Variants in COL4A4 observed in about 807,000 individuals in gnomAD.
COL4A4 encodes collagen alpha-4(IV) chain.
A neutral mutation model predicts 192.9 loss-of-function variants in COL4A4; 105 were observed. That is an observed-to-expected ratio of 0.54 (90% CI 0.46 to 0.64). The LOEUF is 0.64. COL4A4 is among the 30% of genes least tolerant of loss of function. The pLI, the probability that COL4A4 is intolerant of heterozygous loss-of-function variation, is 0.00. For synonymous variants in COL4A4, 762 were observed against 769.9 expected (o/e 0.99, Z 0.17); for missense variants, 1,967 against 2,169.3 (o/e 0.91, Z 1.85).
At chr2:227,143,034 A>G (rs1226259123) in intron 3 of COL4A4, among the ~76,000 whole-genome samples, 1 of 152,218 alleles carries the variant, frequency 6.6e-6, no homozygotes, top group African/African-American at 2.4e-5. Context: ...ACACAGAGGC[A>G]GATGAGCACA....
At chr2:226,977,329 G>T in the COL4A4 span, among the ~76,000 whole-genome samples, 1 of 152,092 alleles carries the variant, frequency 6.6e-6, no homozygotes, top group Non-Finnish European at 1.5e-5. Context: ...AAGTGTATTT[G>T]CTTTGCTTTT....
chr2:227,150,883 A>G (rs1398939934), intron 1 of COL4A4, among the ~76,000 whole-genome samples: 1 of 148,486 alleles, frequency 6.7e-6, no homozygotes, highest in Admixed American at 7.0e-5. Flanking sequence ...GGGGACACAG[A>G]GCCAAACCAT....
intron 44 of COL4A4, among the ~76,000 whole-genome samples, chr2:227,018,598 C>G (rs1328002647): frequency 1.3e-5 from 2 of 152,110 alleles, no homozygotes; most frequent in Non-Finnish European, 2.9e-5. Context: ...AAAAGGAGCC[C>G]CAGGGAAGCT....
chr2:227,161,269 C>T (rs114823685), intron 1 of COL4A4, among the ~76,000 whole-genome samples: 2,453 of 152,314 alleles, frequency 0.016, 33 homozygotes, highest in Non-Finnish European at 0.025. Flanking sequence ...GTGAAGCAGA[C>T]ACAACTATTT....
chr2:226,986,433 T>G, the COL4A4 span, among the ~76,000 whole-genome samples: 15 of 152,136 alleles, frequency 9.9e-5, no homozygotes, highest in Admixed American at 2.6e-4. Flanking sequence ...CTTTGCAACT[T>G]TTACGTAAAT....
chr2:227,067,197 G>C (rs1012313868), intron 25 of COL4A4, among the ~76,000 whole-genome samples: 3 of 151,916 alleles, frequency 2.0e-5, no homozygotes, highest in African/African-American at 7.3e-5. Context: ...CCCAATACAG[G>C]AGCACCCAGA....
chr2:227,058,745 G>A (rs1424126470), intron 28 of COL4A4, among the ~76,000 whole-genome samples: 1 of 152,132 alleles, frequency 6.6e-6, no homozygotes, highest in South Asian at 2.1e-4. Flanking sequence ...TCCTCAGACT[G>A]GGGTCCTGAA....
At chr2:227,101,675 G>A (rs2060530805) in intron 16 of COL4A4, 118 bp from the exon 17 acceptor site, 2 of 1,117,532 alleles carry the variant, frequency 1.8e-6, no homozygotes, top group Non-Finnish European at 2.7e-6. Context: ...TCTTAACACT[G>A]TTCATCAGTT....
intron 18 of COL4A4, 65 bp from the exon 19 acceptor site, chr2:227,098,863 A>C: frequency 3.7e-6 from 5 of 1,344,130 alleles, no homozygotes; most frequent in Non-Finnish European, 5.3e-6. Context: ...TAAGACAACA[A>C]TTACTTTTTG....
intron 24 of COL4A4, among the ~76,000 whole-genome samples, chr2:227,078,642 G>T (rs2059162431): frequency 6.6e-6 from 1 of 152,184 alleles, no homozygotes; most frequent in Non-Finnish European, 1.5e-5. Context: ...CAGAATAAGA[G>T]ATTTATGTCA....
At chr2:227,074,074 C>T (rs2058880173) in intron 25 of COL4A4, among the ~76,000 whole-genome samples, 1 of 151,866 alleles carries the variant, frequency 6.6e-6, no homozygotes, top group Non-Finnish European at 1.5e-5. Context: ...TAAAAGGCCT[C>T]TGCACAACAA....
At chr2:227,119,662 C>A (rs1286685159) in intron 6 of COL4A4, among the ~76,000 whole-genome samples, 1 of 148,316 alleles carries the variant, frequency 6.7e-6, no homozygotes, top group African/African-American at 2.5e-5. Context: ...CTAATGTATT[C>A]TATATCTTGT....
Position 227,147,224 on chromosome 2 carries a change from T to C in COL4A4, c.71+189A>G, listed in dbSNP as rs561613549. On this transcript the variant is annotated intron_variant, in intron 2 of 47. Coordinates refer to ENST00000396625, the MANE Select transcript of COL4A4 (RefSeq NM_000092.5). ...CCCATTTGGTGATTTTGTGGATGCA[T>C]TTCAGGGAAAATTGAGAGGGTTGGT... 109 of 713,206 alleles carry C rather than the reference T, an allele frequency of 1.5e-4. 3 individuals carry two copies. Among genetic ancestry groups the C allele is most frequent in the South Asian group, 1.4e-3 (106 of 73,354 alleles). The allele number at this position is 713,206 out of a possible 1,614,324, so 44.2% of individuals were successfully genotyped here.
chr2:227,109,017 T>C, intron 10 of COL4A4, 149 bp from the exon 11 acceptor site: 2 of 944,906 alleles, frequency 2.1e-6, no homozygotes, highest in Non-Finnish European at 3.5e-6. Flanking sequence ...GATGGGCTGT[T>C]TTCTGTGAAG....
chr2:227,003,219 G>A lies in COL4A4; in HGVS notation c.*4106C>T, dbSNP rs886055702. Reference sequence around the variant, plus strand: ...TATACCCTGTGAGAATCATAATTCTGTGTAAAAAAAAAGAAATATTTTTCG... The same window carrying A: ...TATACCCTGTGAGAATCATAATTCTATGTAAAAAAAAAGAAATATTTTTCG... On this transcript the variant is annotated 3_prime_UTR_variant, in exon 48 of 48. Transcript: ENST00000396625. 1 of 151,998 alleles carries A rather than the reference G, an allele frequency of 6.6e-6. No homozygotes were observed. Among genetic ancestry groups the A allele is most frequent in the East Asian group, 1.9e-4 (1 of 5,194 alleles). The allele number at this position is 151,998 out of a possible 1,614,324, so 9.4% of individuals were successfully genotyped here.
At chr2:227,147,990 T>TATAGAACTATATGAAA (rs2063660319) in intron 1 of COL4A4, among the ~76,000 whole-genome samples, 1 of 152,094 alleles carries the variant, frequency 6.6e-6, no homozygotes, top group African/African-American at 2.4e-5. Context: ...AAAGGAAACT[T>TATAGAACTATATGAAA]CTAGTATACA....
intron 4 of COL4A4, among the ~76,000 whole-genome samples, chr2:227,133,987 T>G (rs893052084): frequency 1.3e-5 from 2 of 152,230 alleles, no homozygotes; most frequent in Non-Finnish European, 2.9e-5. Context: ...CTTTAACTTT[T>G]GCAAGTTTTT....
intron 41 of COL4A4, 80 bp from the exon 42 acceptor site, chr2:227,028,089 T>C (rs1338996488): frequency 2.0e-6 from 2 of 1,004,836 alleles, no homozygotes; most frequent in South Asian, 2.8e-5. Flanking sequence ...TAGACTGAAT[T>C]CAGAGATTCA....
chr2:227,014,959 C>G (rs1358649146), intron 44 of COL4A4, among the ~76,000 whole-genome samples: 2 of 146,394 alleles, frequency 1.4e-5, no homozygotes, highest in Non-Finnish European at 3.0e-5. Context: ...AGTGCAATGG[C>G]ATGACCTCAG....
Sources: gnomAD v4.1 joint callset for allele counts (sites outside exome capture counted in the v4.1 genomes callset) on GRCh38, gnomAD v4.1.1 for gene constraint, MANE v1.5 for transcripts, NCBI Gene and HGNC (gene_info 2026-07-23, HGNC 2026-07-21) for gene names.